BRMS1: variants seen among roughly 807,000 people sequenced by gnomAD.
BRMS1 encodes the protein BRMS1 transcriptional repressor and anoikis regulator.
Under a neutral mutation model 40.4 loss-of-function variants are expected in BRMS1, and 26 were observed. The observed-to-expected ratio is 0.64, with a 90% confidence interval of 0.47 to 0.89. BRMS1 has a LOEUF of 0.89. Among genes scored for constraint, BRMS1 ranks in the 40% least tolerant of loss-of-function variants. The pLI is 0.00. For missense variants in BRMS1, 289 were observed against 309.4 expected, an observed-to-expected ratio of 0.93 and a Z score of 0.49; for synonymous variants, 103 against 116.0, an observed-to-expected ratio of 0.89 and a Z score of 0.72.
At chr11:66,344,382 G>A (rs1590631939) in intron 1 of BRMS1, among the ~76,000 whole-genome samples, 1 of 152,274 alleles carries the variant, frequency 6.6e-6, no homozygotes, top group South Asian at 2.1e-4. Context: ...TTTCACTAAT[G>A]ACCTGCACCT....
At chr11:66,338,161 C>G in intron 9 of BRMS1, 82 bp downstream of exon 9, 1 of 1,555,268 alleles carries the variant, frequency 6.4e-7, no homozygotes, top group East Asian at 2.3e-5. Context: ...CAGCCTTTCT[C>G]TGGGCTCCTT....
At position 66,341,996 on chromosome 11, in the gene BRMS1, G is replaced by C; in HGVS notation, c.139+100C>G. 1 of 1,323,116 alleles carries C rather than the reference G, an allele frequency of 7.6e-7. No individual in the cohort carries two copies. The highest frequency in any genetic ancestry group is 1.0e-6 in the Non-Finnish European group (1 of 961,764). The allele number at this position is 1,323,116 out of a possible 1,614,324, so 82.0% of individuals were successfully genotyped here. ...GTGCTTGTGTGTAGGCGCTGTATGT[G>C]CATGTGCGTGCATGCTTGTGTGTAG... is the stretch of plus-strand genomic sequence containing the variant. On this transcript the variant is annotated intron_variant, in intron 2 of 9. Transcript: ENST00000359957. This position sits in a 1 kb window ranked among gnomAD's most constrained non-coding sequence, Gnocchi z 4.9.
intron 1 of BRMS1, among the ~76,000 whole-genome samples, chr11:66,343,615 A>C (rs1855135103): frequency 6.6e-6 from 1 of 152,206 alleles, no homozygotes; most frequent in African/African-American, 2.4e-5. Flanking sequence ...GGAACATTCC[A>C]GGTAGAGTCA....
intron 8 of BRMS1, 64 bp from the exon 9 acceptor site, chr11:66,338,346 C>T (rs2276106): frequency 0.29 from 450,741 of 1,557,324 alleles, 70,764 homozygotes; most frequent in South Asian, 0.55. Context: ...CCCTGCCCCA[C>T]CCCCCACCTC....
At position 66,337,887 on chromosome 11, in the gene BRMS1, G is replaced by A. The variant is rs750299317; in HGVS notation, c.736C>T (p.Pro246Ser). Reference sequence around the variant, plus strand: ...CCTGGCTGTGAACAGCAGGGTCAAGGTCCTGTGCATATGTGGGAAGAAGAA... The same window carrying A: ...CCTGGCTGTGAACAGCAGGGTCAAGATCCTGTGCATATGTGGGAAGAAGAA... ...VSPQKRKSDG[P>S] Residue 246 changes from proline to serine, a missense_variant and splice_region_variant, in exon 10 of 10, where the codon CCT becomes TCT. Physicochemically the swap from Pro to Ser is moderately conservative, Grantham distance 74 (BLOSUM62 -1). Transcript: ENST00000359957. 6.2e-7 allele frequency: 1 copy of A among 1,612,458 alleles called. No homozygotes were observed.
In BRMS1 at chr11:66,340,169, A is replaced by C. The variant is rs1420310752; in HGVS notation, c.580T>G (p.Trp194Gly). ...CTCTTGCTGGGCGGCAGGGAGTCCCAAGACCTGGAGCTGCCTCTGGCGTGC... is the reference window on the plus strand; with the variant it reads ...CTCTTGCTGGGCGGCAGGGAGTCCCCAGACCTGGAGCTGCCTCTGGCGTGC... Reference protein sequence around the residue: ...KLHARGSSRSWDSLPPSKRKK... With the variant: ...KLHARGSSRSGDSLPPSKRKK... Residue 194 changes from tryptophan to glycine, a missense_variant, in exon 7 of 10, where the codon TGG becomes GGG. By Grantham distance (184) the Trp-to-Gly change is radical. Coordinates refer to ENST00000359957, the MANE Select transcript of BRMS1 (RefSeq NM_015399.4). 2 of 1,613,640 alleles carry C rather than the reference A, an allele frequency of 1.2e-6. No individual in the cohort carries two copies. The highest frequency in any genetic ancestry group is 3.3e-5 in the Admixed American group (2 of 59,938).
chr11:66,339,906 T>C (rs1366214212), intron 7 of BRMS1: 1 of 479,204 alleles, frequency 2.1e-6, no homozygotes, highest in East Asian at 3.2e-5. Flanking sequence ...CCAGCCCGTT[T>C]CTGTTTTCCT....
At chr11:66,339,798 T>C (rs1222641604) in intron 7 of BRMS1, 2 of 254,426 alleles carry the variant, frequency 7.9e-6, no homozygotes, top group Admixed American at 9.2e-5. Flanking sequence ...GGTTTCACCA[T>C]GTTGCCCAAG....
At chr11:66,340,746 T>C in intron 6 of BRMS1, 28 bp downstream of exon 6, 1 of 1,593,206 alleles carries the variant, frequency 6.3e-7, no homozygotes, top group African/African-American at 1.3e-5. Flanking sequence ...GGGGCCCAGT[T>C]CCGGGGTGCC....
Position 66,340,110 on chromosome 11 carries a change from T to G in BRMS1, c.628+11A>C. ...CTGCCCACTTTTAGGCCACCTTGGG[T>G]GAAAGGATACCAGAAACCAGAGGTG... On this transcript the variant is annotated intron_variant, in intron 7 of 9. Transcript: ENST00000359957. The G allele has an allele frequency of 6.2e-7, 1 of 1,612,668 alleles. No homozygotes were observed. Among genetic ancestry groups the G allele is most frequent in the Non-Finnish European group, 8.5e-7 (1 of 1,179,520 alleles).
At chr11:66,339,799 G>A in intron 7 of BRMS1, 1 of 256,130 alleles carries the variant, frequency 3.9e-6, no homozygotes, top group Non-Finnish European at 7.6e-6. Context: ...GTTTCACCAT[G>A]TTGCCCAAGC....
rs1855097543 is a variant in BRMS1 at position 66,342,064 on chromosome 11, GTGTGTGTGTGTC to G, written c.139+20_139+31del. On this transcript the variant is annotated intron_variant, in intron 2 of 9. Transcript: ENST00000359957. The stretch of plus-strand genomic sequence containing the variant: ...GTGTGTGTGTAGGGGCTCTGTGTGT[GTGTGTGTGTGTC>G]TGTGTGTGTAGGGGCTCACCGGAGC... The G allele has an allele frequency of 6.2e-7, 1 of 1,603,660 alleles. No homozygotes were observed.
chr11:66,341,064 A>C lies in BRMS1; in HGVS notation c.359-18T>G. 6.2e-7 allele frequency: 1 copy of C among 1,613,224 alleles called. No individual in the cohort carries two copies. The highest frequency in any genetic ancestry group is 8.5e-7 in the Non-Finnish European group (1 of 1,179,746). On this transcript the variant is annotated intron_variant, in intron 4 of 9. Transcript: ENST00000359957. This position sits in a 1 kb window ranked among gnomAD's most constrained non-coding sequence, Gnocchi z 4.9. ...GTAGATCCCTGCAGAGAAAGGGAGG[A>C]GGGTCCCTGCTTGGCTGGGGAGCCC...
chr11:66,341,717 A>C lies in BRMS1; in HGVS notation c.140-94T>G. 1 of 1,050,976 alleles carries C rather than the reference A, an allele frequency of 9.5e-7. No homozygotes were observed. Among genetic ancestry groups the C allele is most frequent in the Non-Finnish European group, 1.5e-6 (1 of 675,674 alleles). The allele number at this position is 1,050,976 out of a possible 1,614,324, so 65.1% of individuals were successfully genotyped here. A position where few individuals can be genotyped will look rare whatever the true frequency, so the allele number is the denominator to read the frequency against. ...GTCCTGCATGTGTGTGTGTGCATGCATGCCTGTGTGTAGGGCCTGTGTGTG... is the reference window on the plus strand; with the variant it reads ...GTCCTGCATGTGTGTGTGTGCATGCCTGCCTGTGTGTAGGGCCTGTGTGTG... On this transcript the variant is annotated intron_variant, in intron 2 of 9. Transcript: ENST00000359957. This position sits in a 1 kb window ranked among gnomAD's most constrained non-coding sequence, Gnocchi z 4.9.
At position 66,341,406 on chromosome 11, in the gene BRMS1, C is replaced by T; in HGVS notation, c.231-73G>A. ...CTTGGGCAAACACATACCCAGCACC[C>T]ATTCCACAGCAAGCCCGGTGTTAGG... On this transcript the variant is annotated intron_variant, in intron 3 of 9. Transcript: ENST00000359957. This position sits in a 1 kb window ranked among gnomAD's most constrained non-coding sequence, Gnocchi z 4.9. 1 of 1,603,336 alleles carries T rather than the reference C, an allele frequency of 6.2e-7. No homozygotes were observed. Among genetic ancestry groups the T allele is most frequent in the Non-Finnish European group, 8.5e-7 (1 of 1,172,366 alleles).
chr11:66,340,357 G>A, intron 6 of BRMS1, 144 bp from the exon 7 acceptor site: 1 of 652,784 alleles, frequency 1.5e-6, no homozygotes, highest in Non-Finnish European at 2.7e-6. Flanking sequence ...AGCCCCTTAG[G>A]GCTGTTCAGG....
At chr11:66,343,188 C>G (rs1855122910) in intron 1 of BRMS1, among the ~76,000 whole-genome samples, 1 of 152,214 alleles carries the variant, frequency 6.6e-6, no homozygotes, top group Non-Finnish European at 1.5e-5. Flanking sequence ...CTTTCACCTC[C>G]CACTTGTTCG....
At chr11:66,339,154 T>A (rs1467954362) in intron 7 of BRMS1, among the ~76,000 whole-genome samples, 1 of 152,188 alleles carries the variant, frequency 6.6e-6, no homozygotes. Context: ...CAGTGCTCCC[T>A]ACTTGATGTC....
At chr11:66,340,479 G>A (rs948359) in intron 6 of BRMS1, among the ~76,000 whole-genome samples, 142,272 of 152,230 alleles carry the variant, frequency 0.93, 67,236 homozygotes, top group East Asian at 1. Context: ...AGGACTCCAC[G>A]TGAACACAGG....
Sources: gnomAD v4.1 joint callset for allele counts (sites outside exome capture counted in the v4.1 genomes callset) on GRCh38, gnomAD v4.1.1 for gene constraint, Gnocchi (gnomAD v3.1) non-coding constraint, MANE v1.5 for transcripts, NCBI Gene and HGNC (gene_info 2026-07-23, HGNC 2026-07-21) for gene names.